The following CSMD1 variants were observed in gnomAD, a reference collection of about 807,000 sequenced individuals.
The protein encoded by CSMD1 is CUB and sushi domain-containing protein 1.
A neutral mutation model predicts 417.5 loss-of-function variants in CSMD1; 213 were observed. That is an observed-to-expected ratio of 0.51 (90% CI 0.46 to 0.57). The LOEUF is 0.57. Ranked by LOEUF, CSMD1 falls within the 20% of genes least tolerant of loss-of-function variation. The probability of loss-of-function intolerance (pLI) is 0.00; values close to 1 mark genes in which losing one functional copy is unlikely to be tolerated. For missense variants in CSMD1, 6,923 were observed against 4,529.7 expected, an observed-to-expected ratio of 1.53 and a Z score of -15.17; for synonymous variants, 2,862 against 1,736.8, an observed-to-expected ratio of 1.65 and a Z score of -16.11.
intron 5 of CSMD1, among the ~76,000 whole-genome samples, chr8:3,896,457 A>C (rs934322352): frequency 6.6e-6 from 1 of 152,176 alleles, no homozygotes; most frequent in Non-Finnish European, 1.5e-5. Flanking sequence ...CTTGGGAGAG[A>C]AAGTAAATTC....
chr8:2,960,761 G>A (rs537648436), intron 62 of CSMD1, among the ~76,000 whole-genome samples: 3 of 151,970 alleles, frequency 2.0e-5, no homozygotes, highest in African/African-American at 4.8e-5. Context: ...CAGTCCCTAA[G>A]TGGAACCTTT....
At chr8:3,378,166 G>T (rs77176756) in intron 18 of CSMD1, among the ~76,000 whole-genome samples, 1 of 152,186 alleles carries the variant, frequency 6.6e-6, no homozygotes, top group Non-Finnish European at 1.5e-5. Context: ...GTCACCTGCT[G>T]GGTAGAGTAG....
At chr8:3,661,223 T>A (rs969573302) in intron 7 of CSMD1, among the ~76,000 whole-genome samples, 3 of 152,160 alleles carry the variant, frequency 2.0e-5, no homozygotes, top group Non-Finnish European at 4.4e-5. Context: ...TTTACGAGTA[T>A]GCATCTGTAA....
intron 3 of CSMD1, among the ~76,000 whole-genome samples, chr8:4,055,515 C>T (rs1798645771): frequency 7.1e-6 from 1 of 140,690 alleles, no homozygotes; most frequent in Admixed American, 6.8e-5. Flanking sequence ...GAGTCAAAAT[C>T]AGCTCAAATT....
rs547253792 is a variant in CSMD1 at position 4,876,172 on chromosome 8, G to A, written c.85+118160C>T. Among the ~76,000 whole-genome samples the A allele has an allele frequency of 1.2e-4, 19 of 152,152 alleles. No individual in the cohort carries two copies. The East Asian group carries it at 3.1e-3, about 25-fold the overall frequency. ...TGACTGCTTAGTCTATTTCCCTGCT[G>A]GGTAATAACATAAATTTACCTAAAT... On this transcript the variant is annotated intron_variant, in intron 1 of 69. Coordinates refer to ENST00000635120, the MANE Select transcript of CSMD1 (RefSeq NM_033225.6).
At chr8:3,791,512 G>C (rs1284848826) in intron 5 of CSMD1, among the ~76,000 whole-genome samples, 2 of 152,114 alleles carry the variant, frequency 1.3e-5, no homozygotes, top group Admixed American at 1.3e-4. Flanking sequence ...CTACAACAAG[G>C]GTATGGACAA....
intron 3 of CSMD1, among the ~76,000 whole-genome samples, chr8:4,079,861 C>T (rs1157572068): frequency 2.6e-5 from 4 of 152,112 alleles, no homozygotes; most frequent in African/African-American, 9.7e-5. Context: ...TCTAATGACC[C>T]TTTGAATACC....
chr8:4,842,881 C>G (rs1800922503), intron 1 of CSMD1, among the ~76,000 whole-genome samples: 1 of 152,094 alleles, frequency 6.6e-6, no homozygotes, highest in African/African-American at 2.4e-5. Context: ...ATCAATAGAA[C>G]AATGGAAACG....
At chr8:4,613,894 A>C (rs1801327300) in intron 2 of CSMD1, among the ~76,000 whole-genome samples, 1 of 150,010 alleles carries the variant, frequency 6.7e-6, no homozygotes, top group Non-Finnish European at 1.5e-5. Flanking sequence ...TTCCTCAATC[A>C]CTCCATCTTC....
intron 29 of CSMD1, among the ~76,000 whole-genome samples, chr8:3,216,847 C>T (rs112975851): frequency 3.9e-5 from 6 of 152,380 alleles, no homozygotes; most frequent in African/African-American, 1.4e-4. Flanking sequence ...CCTTCTATTT[C>T]CCATCATGCC....
At chr8:4,219,625 C>G (rs2128807451) in intron 3 of CSMD1, among the ~76,000 whole-genome samples, 1 of 152,214 alleles carries the variant, frequency 6.6e-6, no homozygotes, top group East Asian at 1.9e-4. Flanking sequence ...CACTATATCA[C>G]TTTAAGCAAA....
chr8:2,975,979 C>G (rs544705012), intron 55 of CSMD1, among the ~76,000 whole-genome samples: 1 of 152,100 alleles, frequency 6.6e-6, no homozygotes, highest in Non-Finnish European at 1.5e-5. Context: ...CTGGGACAGA[C>G]AAAAACAAAA....
chr8:4,316,778 C>G (rs946826803), intron 3 of CSMD1, among the ~76,000 whole-genome samples: 3 of 152,058 alleles, frequency 2.0e-5, no homozygotes, highest in Non-Finnish European at 4.4e-5. Flanking sequence ...CTTTTCAAAT[C>G]CAGAAGTAAA....
At chr8:4,663,253 C>T (rs923912851) in intron 1 of CSMD1, among the ~76,000 whole-genome samples, 2 of 152,204 alleles carry the variant, frequency 1.3e-5, no homozygotes, top group African/African-American at 2.4e-5. Context: ...TTTTCATTAC[C>T]TGTATATACA....
At chr8:3,873,918 C>G (rs113313591) in intron 5 of CSMD1, among the ~76,000 whole-genome samples, 3,128 of 152,256 alleles carry the variant, frequency 0.021, 134 homozygotes, top group African/African-American at 0.072. Flanking sequence ...TTGGAGACAA[C>G]TAGATCTGAC....
chr8:4,354,136 T>G (rs143151267), intron 3 of CSMD1, among the ~76,000 whole-genome samples: 2,610 of 152,280 alleles, frequency 0.017, 28 homozygotes, highest in Middle Eastern at 0.027. Flanking sequence ...GAAAGTAAAT[T>G]TTAAAAATTT....
rs866165204 is a variant in CSMD1 at position 3,274,097 on chromosome 8, G to T, written c.4153+10047C>A. On this transcript the variant is annotated intron_variant, in intron 26 of 69. Transcript: ENST00000635120. Reference sequence around the variant, plus strand: ...TAAATTTCCCTCTACACACTGCTTTGAATGTGTCCCAGAGACTCTGGTATG... The same window carrying T: ...TAAATTTCCCTCTACACACTGCTTTTAATGTGTCCCAGAGACTCTGGTATG... 6.5e-4 allele frequency among the ~76,000 whole-genome samples: 98 copies of T among 151,650 alleles called. 1 individual carries two copies. Among genetic ancestry groups the T allele is most frequent in the Non-Finnish European group, 1.6e-4 (11 of 67,908 alleles).
At chr8:3,344,006 G>T (rs1208607059) in intron 22 of CSMD1, among the ~76,000 whole-genome samples, 1 of 152,166 alleles carries the variant, frequency 6.6e-6, no homozygotes, top group African/African-American at 2.4e-5. Context: ...ATCTCATCAT[G>T]CAATAGTAAT....
chr8:3,363,423 C>T (rs184959474), intron 20 of CSMD1, among the ~76,000 whole-genome samples: 1 of 152,292 alleles, frequency 6.6e-6, no homozygotes, highest in Non-Finnish European at 1.5e-5. Flanking sequence ...AAAACAAATT[C>T]TGCCTAGGGA....
Sources: gnomAD v4.1 joint callset for allele counts (sites outside exome capture counted in the v4.1 genomes callset) on GRCh38, gnomAD v4.1.1 for gene constraint, MANE v1.5 for transcripts, NCBI Gene and HGNC (gene_info 2026-07-23, HGNC 2026-07-21) for gene names.